The following RIN3 variants were observed in gnomAD, a reference collection of about 807,000 sequenced individuals.
RIN3 encodes RAB5 interacting protein 3.
In RIN3, 54 loss-of-function variants were observed where a neutral mutation model predicts 76.3. The observed-to-expected ratio is 0.71, with a 90% CI of 0.57 to 0.89. The LOEUF (loss-of-function observed/expected upper bound fraction) is 0.89, where lower values mean the gene tolerates loss of function less well. Ranked by LOEUF, RIN3 falls within the 40% of genes least tolerant of loss-of-function variation. The pLI is 0.00. For missense variants in RIN3, 1,256 were observed against 1,322.1 expected, an observed-to-expected ratio of 0.95 and a Z score of 0.78; for synonymous variants, 576 against 564.0, an observed-to-expected ratio of 1.02 and a Z score of -0.30.
At chr14:92,524,598 T>A (rs973069449) in intron 1 of RIN3, among the ~76,000 whole-genome samples, 2 of 152,220 alleles carry the variant, frequency 1.3e-5, no homozygotes, top group African/African-American at 4.8e-5. Flanking sequence ...CTGGAGGAGC[T>A]GGGCCAGAGC....
rs1485826428 is a variant in RIN3, at chr14:92,555,732, A to T, written c.45-19A>T. Reference sequence around the variant, plus strand: ...TGGGCTGGCTGCAGGATAGCTGATCATTGAATTCTGTTTTTCAGTCCGGTT... The same window carrying T: ...TGGGCTGGCTGCAGGATAGCTGATCTTTGAATTCTGTTTTTCAGTCCGGTT... On this transcript the variant is annotated intron_variant, in intron 1 of 9. Transcript: ENST00000216487. 1 of 1,613,410 alleles carries T rather than the reference A, an allele frequency of 6.2e-7. No homozygotes were observed. The highest frequency in any genetic ancestry group is 1.1e-5 in the South Asian group (1 of 91,040).
intron 4 of RIN3, among the ~76,000 whole-genome samples, chr14:92,625,280 A>G (rs1886314579): frequency 6.6e-6 from 1 of 152,150 alleles, no homozygotes; most frequent in African/African-American, 2.4e-5. Context: ...ATTAACTTAG[A>G]TGATTTTTTA....
chr14:92,639,284 G>A (rs540428762), intron 4 of RIN3, among the ~76,000 whole-genome samples: 1 of 152,390 alleles, frequency 6.6e-6, no homozygotes, highest in Admixed American at 6.5e-5. Context: ...AGGCTCAGCA[G>A]ATGATGGATG....
chr14:92,620,439 AG>A (rs1205483045), intron 4 of RIN3, among the ~76,000 whole-genome samples: 1 of 152,364 alleles, frequency 6.6e-6, no homozygotes, highest in South Asian at 2.1e-4. Context: ...AAATCCAAAA[AG>A]TTTGTTTAAA....
At chr14:92,593,513 G>A (rs1885053127) in intron 3 of RIN3, among the ~76,000 whole-genome samples, 1 of 151,732 alleles carries the variant, frequency 6.6e-6, no homozygotes, top group Admixed American at 6.6e-5. Flanking sequence ...GACACAGGAA[G>A]GGGAACATCA....
At chr14:92,586,599 C>T (rs914721435) in intron 3 of RIN3, 11 of 152,006 alleles carry the variant, frequency 7.2e-5, no homozygotes, top group African/African-American at 2.7e-4. Context: ...TTCTTAGCCT[C>T]CTTTTTTTTT....
At position 92,652,094 on chromosome 14, in the gene RIN3, G is replaced by A; in HGVS notation, c.1045G>A (p.Ala349Thr). The A allele has an allele frequency of 6.2e-7, 1 of 1,604,234 alleles. No homozygotes were observed. Residue 349 changes from alanine to threonine, a missense_variant, in exon 6 of 10, where the codon GCA (alanine) becomes ACA (threonine). Ala to Thr is a moderately conservative substitution (Grantham distance 58, BLOSUM62 0). This residue lies in a region of RIN3 where 610 missense variants were observed against 626.4 expected (regional missense o/e 0.97). Coordinates refer to ENST00000216487, the MANE Select transcript of RIN3 (RefSeq NM_024832.5). This position sits in a 1 kb window ranked among gnomAD's most constrained non-coding sequence, Gnocchi z 6.4. ...CTGCGAGAGACTCCCATGCCCCACT[G>A]CAGGCCTGGGCCCCCTCAGGGAGGA... ...MTCERLPCPT[A>T]GLGPLREEAM... is the part of the protein sequence containing the mutation.
At chr14:92,544,686 G>C (rs117141160) in intron 1 of RIN3, among the ~76,000 whole-genome samples, 1 of 151,492 alleles carries the variant, frequency 6.6e-6, no homozygotes, top group African/African-American at 2.4e-5. Flanking sequence ...GGACCCGGGG[G>C]TATGTGTGTT....
In RIN3 at chr14:92,631,761, C is replaced by G. The variant is rs142536024; in HGVS notation, c.441-9477C>G. ...GACTACAGGCACACACCACTACCCC[C>G]AGCTAATTTTTTTTGTATTTTTAGT... On this transcript the variant is annotated intron_variant, in intron 4 of 9. Coordinates refer to ENST00000216487, the MANE Select transcript of RIN3 (RefSeq NM_024832.5). Among the ~76,000 whole-genome samples the G allele has an allele frequency of 4.4e-3, 666 of 152,256 alleles. 4 individuals carry two copies. The highest frequency in any genetic ancestry group is 0.015 in the African/African-American group (626 of 41,544).
chr14:92,661,323 C>G (rs1051951215), intron 7 of RIN3, among the ~76,000 whole-genome samples: 3 of 152,194 alleles, frequency 2.0e-5, no homozygotes, highest in Non-Finnish European at 4.4e-5. Flanking sequence ...GGTGCCAGAT[C>G]CCCTCACCCA....
At chr14:92,561,965 C>T (rs567904947) in intron 2 of RIN3, among the ~76,000 whole-genome samples, 3 of 152,318 alleles carry the variant, frequency 2.0e-5, no homozygotes, top group Admixed American at 2.0e-4. Flanking sequence ...GGATTACAGG[C>T]GTGAGCCACC....
At chr14:92,516,658 C>T (rs543330060) in intron 1 of RIN3, among the ~76,000 whole-genome samples, 2 of 152,254 alleles carry the variant, frequency 1.3e-5, no homozygotes, top group African/African-American at 4.8e-5. Context: ...CTCTGAGAAG[C>T]AGCTGGGAGT....
intron 7 of RIN3, among the ~76,000 whole-genome samples, chr14:92,662,835 G>GT (rs754208547): frequency 5.3e-4 from 54 of 101,690 alleles, no homozygotes; most frequent in Admixed American, 2.4e-3. Context: ...CAAACAGCAT[G>GT]ATTTTTTTTT....
intron 2 of RIN3, among the ~76,000 whole-genome samples, chr14:92,564,953 G>T (rs1294844789): frequency 6.6e-6 from 1 of 152,218 alleles, no homozygotes; most frequent in Non-Finnish European, 1.5e-5. Flanking sequence ...AGGCTTTCAG[G>T]AGCAGTGGCA....
At chr14:92,582,214 C>T (rs2140065574) in intron 3 of RIN3, among the ~76,000 whole-genome samples, 1 of 152,314 alleles carries the variant, frequency 6.6e-6, no homozygotes, top group East Asian at 1.9e-4. Flanking sequence ...CAGAGACGGC[C>T]AGCCTACTTC....
At chr14:92,580,209 A>C (rs1421387780) in intron 3 of RIN3, among the ~76,000 whole-genome samples, 1 of 152,180 alleles carries the variant, frequency 6.6e-6, no homozygotes, top group Non-Finnish European at 1.5e-5. Flanking sequence ...TCTCCACTAA[A>C]AATACAAAAA....
At chr14:92,587,071 G>C (rs1884803381) in intron 3 of RIN3, among the ~76,000 whole-genome samples, 1 of 152,200 alleles carries the variant, frequency 6.6e-6, no homozygotes, top group South Asian at 2.1e-4. Context: ...GATTCGGCCA[G>C]GTCACGAAAG....
At position 92,659,146 on chromosome 14, in the gene RIN3, C is replaced by G. The variant is rs781542368; in HGVS notation, c.2027-15C>G. 154 of 1,613,372 alleles carry G rather than the reference C, an allele frequency of 9.5e-5. No individual in the cohort carries two copies. Among genetic ancestry groups the G allele is most frequent in the Non-Finnish European group, 1.2e-4 (142 of 1,179,700 alleles). ...CATCTGGTTTCCTCACCCTCGCTCT[C>G]TTGTTTACCTGCAGAAGCAATTGTA... On this transcript the variant is annotated splice_polypyrimidine_tract_variant and intron_variant, in intron 6 of 9. Coordinates refer to ENST00000216487, the MANE Select transcript of RIN3 (RefSeq NM_024832.5).
At chr14:92,546,535 G>T (rs557966963) in intron 1 of RIN3, among the ~76,000 whole-genome samples, 1 of 152,308 alleles carries the variant, frequency 6.6e-6, no homozygotes, top group East Asian at 1.9e-4. Context: ...GGCGCCATTG[G>T]CTTTCCCCAT....
Sources: allele counts gnomAD v4.1 joint callset (sites outside exome capture counted in the v4.1 genomes callset), GRCh38; gene constraint gnomAD v4.1.1; regional missense constraint gnomAD v4.1.1; non-coding constraint Gnocchi (gnomAD v3.1); transcripts MANE v1.5; gene names NCBI Gene and HGNC (gene_info 2026-07-23, HGNC 2026-07-21).